Variants in SMAD1 observed in about 807,000 individuals in gnomAD.
SMAD1 encodes the protein MAD, mothers against decapentaplegic homolog 1.
A neutral mutation model predicts 41.6 loss-of-function variants in SMAD1; 6 were observed. That is an observed-to-expected ratio of 0.14 (90% CI 0.08 to 0.28). The LOEUF (loss-of-function observed/expected upper bound fraction) is 0.28, where lower values mean the gene tolerates loss of function less well. Among genes scored for constraint, SMAD1 ranks in the 10% least tolerant of loss-of-function variants. The pLI, the probability that SMAD1 is intolerant of heterozygous loss-of-function variation, is 1.00. For missense variants in SMAD1, 379 were observed against 582.6 expected, an observed-to-expected ratio of 0.65 and a Z score of 3.60; for synonymous variants, 206 against 203.2, an observed-to-expected ratio of 1.01 and a Z score of -0.12.
chr4:145,509,469 G>A (rs1478286200), intron 1 of SMAD1, among the ~76,000 whole-genome samples: 2 of 152,120 alleles, frequency 1.3e-5, no homozygotes, highest in African/African-American at 2.4e-5. Flanking sequence ...ACCCCCAAGT[G>A]ATTTTGGGGG....
In SMAD1 at chr4:145,482,689, C is replaced by T. The variant is rs1728258085; in HGVS notation, c.-177+651C>T. 2 of 152,186 alleles carry T rather than the reference C, an allele frequency of 1.3e-5. No individual in the cohort carries two copies. Among genetic ancestry groups the T allele is most frequent in the Non-Finnish European group, 2.9e-5 (2 of 68,044 alleles). 9.4% of individuals were successfully genotyped at this position (152,186 alleles called of 1,614,324 possible). ...GTCAAGGAAAGTTCGCACCGAGATC[C>T]CCTCTAATTTATTCAAAGGTTTGGC... On this transcript the variant is annotated intron_variant, in intron 1 of 6. Coordinates refer to ENST00000302085, the MANE Select transcript of SMAD1 (RefSeq NM_005900.3). The surrounding 1 kb of genome is among the most constrained non-coding windows in gnomAD (Gnocchi z 4.2).
intron 1 of SMAD1, among the ~76,000 whole-genome samples, chr4:145,511,726 A>T (rs1394095964): frequency 1.3e-5 from 2 of 152,182 alleles, no homozygotes; most frequent in African/African-American, 4.8e-5. Context: ...TGCTAACTTC[A>T]TATATCTCTT....
Position 145,514,388 on chromosome 4 carries a change from T to G in SMAD1, c.-176-50T>G. The G allele has an allele frequency of 2.1e-6, 1 of 473,532 alleles. No homozygotes were observed. The allele number at this position is 473,532 out of a possible 1,614,324, so 29.3% of individuals were successfully genotyped here. A position where few individuals can be genotyped will look rare whatever the true frequency, so the allele number is the denominator to read the frequency against. On this transcript the variant is annotated intron_variant, in intron 1 of 6. Transcript: ENST00000302085. This position sits in a 1 kb window ranked among gnomAD's most constrained non-coding sequence, Gnocchi z 4.7. ...TAGCACATGGTGATTACTTAATAAA[T>G]GTGGTTGTATGGTAAAGATGATTCT...
Position 145,523,885 on chromosome 4 carries a change from C to A in SMAD1, c.400+8872C>A, listed in dbSNP as rs372513359. On this transcript the variant is annotated intron_variant, in intron 2 of 6. Transcript: ENST00000302085. ...TCATTCTTCAGTCTACATGGAAGTT[C>A]TTTTTTGGCTTTTTGTTTTGGTTTG... is the stretch of plus-strand genomic sequence containing the variant. Among the ~76,000 whole-genome samples the A allele has an allele frequency of 9.2e-5, 14 of 152,146 alleles. No individual in the cohort carries two copies. The East Asian group carries it at 2.5e-3, about 27-fold the overall frequency.
rs995817557 is a variant in SMAD1, at chr4:145,557,995, T to C, written c.*61T>C. ...GCCTTGCATGTACTTGAAGGATGGA[T>C]GAGTCAGACACGATTGAGAACTGAC... is the stretch of plus-strand genomic sequence containing the variant. On this transcript the variant is annotated 3_prime_UTR_variant, in exon 7 of 7. Transcript: ENST00000302085. 3 of 1,333,692 alleles carry C rather than the reference T, an allele frequency of 2.2e-6. No individual in the cohort carries two copies. The highest frequency in any genetic ancestry group is 3.1e-6 in the Non-Finnish European group (3 of 974,154). The allele number at this position is 1,333,692 out of a possible 1,614,324, so 82.6% of individuals were successfully genotyped here. A position where few individuals can be genotyped will look rare whatever the true frequency, so the allele number is the denominator to read the frequency against.
intron 2 of SMAD1, among the ~76,000 whole-genome samples, chr4:145,530,887 C>T (rs1731282160): frequency 6.6e-6 from 1 of 152,206 alleles, no homozygotes; most frequent in South Asian, 2.1e-4. Flanking sequence ...TGTGACCTTG[C>T]ATGGGTTACT....
Position 145,496,481 on chromosome 4 carries a change from T to A in SMAD1, c.-177+14443T>A, listed in dbSNP as rs192070789. 2.4e-3 allele frequency among the ~76,000 whole-genome samples: 360 copies of A among 152,322 alleles called. 1 individual carries two copies. The highest frequency in any genetic ancestry group is 7.8e-3 in the African/African-American group (325 of 41,578). The stretch of plus-strand genomic sequence containing the variant: ...TGTGGTTGTGGTGATGAGGATGATA[T>A]AAGGATGACTTTTGATTGTTTTTGA... On this transcript the variant is annotated intron_variant, in intron 1 of 6. Transcript: ENST00000302085.
At chr4:145,496,608 G>T (rs917441729) in intron 1 of SMAD1, among the ~76,000 whole-genome samples, 4 of 152,092 alleles carry the variant, frequency 2.6e-5, no homozygotes, top group Non-Finnish European at 5.9e-5. Flanking sequence ...AGTATTTGCA[G>T]AAGGTGAAAC....
intron 6 of SMAD1, among the ~76,000 whole-genome samples, chr4:145,557,253 G>A (rs1198509986): frequency 6.6e-6 from 1 of 152,118 alleles, no homozygotes; most frequent in East Asian, 1.9e-4. Context: ...TTGATTCATG[G>A]CAATGGCTAG....
chr4:145,502,313 G>A (rs1488010624), intron 1 of SMAD1, among the ~76,000 whole-genome samples: 1 of 152,174 alleles, frequency 6.6e-6, no homozygotes, highest in Non-Finnish European at 1.5e-5. Context: ...GCCATTACAA[G>A]CATGAATTTG....
chr4:145,485,488 A>G (rs1413492053), intron 1 of SMAD1, among the ~76,000 whole-genome samples: 1 of 152,218 alleles, frequency 6.6e-6, no homozygotes, highest in Admixed American at 6.5e-5. Context: ...CATACTGGAC[A>G]GCGTGTATAT....
At chr4:145,551,124 G>T (rs1361290484) in intron 5 of SMAD1, among the ~76,000 whole-genome samples, 1 of 152,090 alleles carries the variant, frequency 6.6e-6, no homozygotes, top group African/African-American at 2.4e-5. Flanking sequence ...CGGCATTAGG[G>T]TTAATAAAAC....
At chr4:145,491,180 A>C (rs770065477) in intron 1 of SMAD1, among the ~76,000 whole-genome samples, 17 of 152,224 alleles carry the variant, frequency 1.1e-4, no homozygotes, top group Admixed American at 8.5e-4. Flanking sequence ...GCAACAAGAT[A>C]TTGTTCTTTA....
chr4:145,546,385 TTCTGC>T, intron 4 of SMAD1: 1 of 260,152 alleles, frequency 3.8e-6, no homozygotes, highest in South Asian at 7.0e-5. Context: ...TGATTTCCAT[TTCTGC>T]ATATTACAGA....
In SMAD1 at chr4:145,546,695, T is replaced by C; in HGVS notation, c.776-8T>C. ...ACCTTGGTTGATATAACATTTTCTT[T>C]CCTCTAGATGTTCAGGCGGTTGCTT... is the stretch of plus-strand genomic sequence containing the variant. On this transcript the variant is annotated splice_polypyrimidine_tract_variant and splice_region_variant and intron_variant, in intron 4 of 6. Coordinates refer to ENST00000302085, the MANE Select transcript of SMAD1 (RefSeq NM_005900.3). The C allele has an allele frequency of 2.5e-6, 4 of 1,604,974 alleles. No homozygotes were observed. The highest frequency in any genetic ancestry group is 3.4e-6 in the Non-Finnish European group (4 of 1,173,110).
chr4:145,511,997 C>A (rs1434085376), intron 1 of SMAD1, among the ~76,000 whole-genome samples: 2 of 152,178 alleles, frequency 1.3e-5, no homozygotes, highest in Non-Finnish European at 2.9e-5. Context: ...ATCTTTATTT[C>A]ACAATCATTT....
At chr4:145,552,653 T>C (rs1429009495) in intron 5 of SMAD1, among the ~76,000 whole-genome samples, 3 of 152,192 alleles carry the variant, frequency 2.0e-5, no homozygotes, top group Non-Finnish European at 4.4e-5. Flanking sequence ...CTGGATCTTA[T>C]ATCTTACAGC....
chr4:145,498,221 A>G (rs1376166593), intron 1 of SMAD1, among the ~76,000 whole-genome samples: 1 of 152,148 alleles, frequency 6.6e-6, no homozygotes, highest in Non-Finnish European at 1.5e-5. Context: ...TGGGAGGGAA[A>G]CTTACTTTTT....
intron 1 of SMAD1, chr4:145,483,138 G>T (rs1444858241): frequency 6.6e-6 from 1 of 152,084 alleles, no homozygotes; most frequent in African/African-American, 2.4e-5. Flanking sequence ...GAAAATTGAG[G>T]CCGGTCTCAG....
Sources: allele counts gnomAD v4.1 joint callset (sites outside exome capture counted in the v4.1 genomes callset), GRCh38; gene constraint gnomAD v4.1.1; non-coding constraint Gnocchi (gnomAD v3.1); transcripts MANE v1.5; gene names NCBI Gene and HGNC (gene_info 2026-07-23, HGNC 2026-07-21).